The following ETS1 variants were observed in gnomAD, a reference collection of about 807,000 sequenced individuals.
The protein encoded by ETS1 is protein C-ets-1.
A neutral mutation model predicts 58.6 loss-of-function variants in ETS1; 15 were observed. The observed-to-expected ratio is 0.26, with a 90% CI of 0.17 to 0.39. The LOEUF (loss-of-function observed/expected upper bound fraction) is 0.39, where lower values mean the gene tolerates loss of function less well. ETS1 is among the 10% of genes least tolerant of loss of function. The pLI is 1.00. For synonymous variants in ETS1, 214 were observed against 218.2 expected (o/e 0.98, Z 0.17); for missense variants, 417 against 610.5 (o/e 0.68, Z 3.34).
In ETS1 at chr11:128,572,159, G is replaced by A. The variant is rs543192929; in HGVS notation, c.69+903C>T. 3 of 152,044 alleles carry A rather than the reference G, an allele frequency of 2.0e-5. No individual in the cohort carries two copies. The South Asian group carries it at 6.2e-4, about 32-fold the overall frequency. 9.4% of individuals were successfully genotyped at this position (152,044 alleles called of 1,614,324 possible). On this transcript the variant is annotated intron_variant, in intron 2 of 9. Transcript: ENST00000392668. ...GTGGTGGTGCAGGTCTGTAATCCCAGCTACTTGGGAGGCTAAGGCAGGAGA... is the reference window on the plus strand; with the variant it reads ...GTGGTGGTGCAGGTCTGTAATCCCAACTACTTGGGAGGCTAAGGCAGGAGA...
rs1454973249 is a variant in ETS1 at position 128,549,775 on chromosome 11, G to C, written c.214+6516C>G. On this transcript the variant is annotated intron_variant, in intron 3 of 9. Coordinates refer to ENST00000392668, the MANE Select transcript of ETS1 (RefSeq NM_001143820.2). The surrounding 1 kb of genome is among the most constrained non-coding windows in gnomAD (Gnocchi z 4.3). ...CCTCGGGGCTGTTGGGGTCACTCCT[G>C]AGAGCATGGGGTCTCTGGTCTCTAA... Among the ~76,000 whole-genome samples, 1 of 152,212 alleles carries C rather than the reference G, an allele frequency of 6.6e-6. No individual in the cohort carries two copies. Among genetic ancestry groups the C allele is most frequent in the African/African-American group, 2.4e-5 (1 of 41,448 alleles).
At chr11:128,583,442 T>C (rs1864915240) in intron 1 of ETS1, among the ~76,000 whole-genome samples, 1 of 152,188 alleles carries the variant, frequency 6.6e-6, no homozygotes, top group Admixed American at 6.5e-5. Context: ...AAACTGGCAA[T>C]GGTGCTTTCT....
intron 3 of ETS1, among the ~76,000 whole-genome samples, chr11:128,517,808 T>C (rs1863564996): frequency 6.6e-6 from 1 of 152,082 alleles, no homozygotes; most frequent in South Asian, 2.1e-4. Flanking sequence ...CGAGCTGGTT[T>C]GTCTCCTGGA....
intron 6 of ETS1, among the ~76,000 whole-genome samples, chr11:128,485,464 T>G (rs978394969): frequency 6.6e-6 from 1 of 152,066 alleles, no homozygotes; most frequent in Non-Finnish European, 1.5e-5. Context: ...ACGAAAAAAA[T>G]AAAACCTGTT....
intron 8 of ETS1, among the ~76,000 whole-genome samples, chr11:128,472,803 A>G (rs1862221525): frequency 6.6e-6 from 1 of 152,162 alleles, no homozygotes; most frequent in Admixed American, 6.5e-5. Flanking sequence ...CTCCTTCCAG[A>G]CCTGCAGCAT....
At chr11:128,562,236 C>G (rs1161658333) in intron 2 of ETS1, among the ~76,000 whole-genome samples, 5 of 152,132 alleles carry the variant, frequency 3.3e-5, no homozygotes, top group Non-Finnish European at 5.9e-5. Flanking sequence ...AGTTGAAACC[C>G]CGGCTCTATT....
At chr11:128,497,616 T>C (rs1322476209) in intron 3 of ETS1, 2 of 983,910 alleles carry the variant, frequency 2.0e-6, no homozygotes, top group Non-Finnish European at 2.4e-6. Context: ...CATTACATGG[T>C]AGGGAAGCAG....
chr11:128,575,297 T>A lies in ETS1; in HGVS notation c.-14-2153A>T, dbSNP rs773562341. On this transcript the variant is annotated intron_variant, in intron 1 of 9. Transcript: ENST00000392668. ...AACAATATACTGTGATAAAAGTTAT[T>A]GAATGTGGTTTCTCTCTCTCTCTCT... Among the ~76,000 whole-genome samples the A allele has an allele frequency of 3.6e-5, 5 of 139,056 alleles. No individual in the cohort carries two copies. The Admixed American group carries it at 3.7e-4, about 10-fold the overall frequency. The allele number at this position is 139,056 out of a possible 152,430, so 91.2% of individuals were successfully genotyped here.
At chr11:128,522,424 C>T (rs1000325576) in intron 3 of ETS1, 33 of 883,540 alleles carry the variant, frequency 3.7e-5, no homozygotes, top group Non-Finnish European at 3.9e-5. Flanking sequence ...GGGCGATGTC[C>T]GCTTGGGGGA....
chr11:128,501,228 C>T (rs543713290), intron 3 of ETS1, among the ~76,000 whole-genome samples: 8 of 152,294 alleles, frequency 5.3e-5, no homozygotes, highest in African/African-American at 1.9e-4. Flanking sequence ...TCCTGAAGAG[C>T]ATCACAAGCA....
Position 128,556,296 on chromosome 11 carries a change from A to C in ETS1, c.209T>G (p.Val70Gly). Reference sequence around the variant, plus strand: ...GCTTTTGTTTATGTTCCTACCTGAGACACAGTGTTCAAGACCAGTAGGAAC... The same window carrying C: ...GCTTTTGTTTATGTTCCTACCTGAGCCACAGTGTTCAAGACCAGTAGGAAC... ...QEVPTGLEHC[V>G]SDMECADVPL... The change falls in exon 3 of 10, where the codon GTC becomes GGC. Residue 70 changes from valine (V) to glycine (G), a missense_variant. Transcript: ENST00000392668. 1 of 1,609,354 alleles carries C rather than the reference A, an allele frequency of 6.2e-7. No individual in the cohort carries two copies. Among genetic ancestry groups the C allele is most frequent in the Non-Finnish European group, 8.5e-7 (1 of 1,178,244 alleles).
intron 2 of ETS1, among the ~76,000 whole-genome samples, chr11:128,567,064 A>G (rs1025300961): frequency 3.3e-5 from 5 of 152,214 alleles, no homozygotes; most frequent in African/African-American, 1.2e-4. Flanking sequence ...TGTACAAAAG[A>G]GGAATTGCCC....
chr11:128,479,847 G>A (rs1565371968), intron 8 of ETS1, among the ~76,000 whole-genome samples: 1 of 151,794 alleles, frequency 6.6e-6, no homozygotes, highest in African/African-American at 2.4e-5. Flanking sequence ...AGCAGACCAG[G>A]AAAAATCCCC....
At position 128,462,385 on chromosome 11, in the gene ETS1, G is replaced by A. The variant is rs769810344; in HGVS notation, c.1434C>T (p.Asp478=). 4.5e-5 allele frequency: 73 copies of A among 1,613,516 alleles called. No homozygotes were observed. The highest frequency in any genetic ancestry group is 6.7e-5 in the East Asian group (3 of 44,876). The stretch of plus-strand genomic sequence containing the variant: ...ATCACTCGTCGGCATCTGGCTTGAC[G>A]TCCAGCATGGCGTGCAGCTCCTCAG... ...YTPEELHAML[D]VKPDADE is the part of the protein sequence containing the mutation. Residue 478 remains aspartate, a synonymous_variant, in exon 10 of 10, where the codon GAC becomes GAT. Coordinates refer to ENST00000392668, the MANE Select transcript of ETS1 (RefSeq NM_001143820.2).
chr11:128,481,080 T>C (rs1193431940), intron 7 of ETS1, among the ~76,000 whole-genome samples: 1 of 152,202 alleles, frequency 6.6e-6, no homozygotes, highest in Non-Finnish European at 1.5e-5. Context: ...TAGAGTAAGA[T>C]GGTGTAAGAT....
intron 1 of ETS1, among the ~76,000 whole-genome samples, chr11:128,573,535 G>A (rs1196600644): frequency 1.3e-5 from 2 of 152,150 alleles, no homozygotes; most frequent in Non-Finnish European, 2.9e-5. Flanking sequence ...CAGTTGGGGT[G>A]TAAATTAATT....
chr11:128,525,660 C>G (rs1863787842), intron 3 of ETS1, among the ~76,000 whole-genome samples: 1 of 146,604 alleles, frequency 6.8e-6, no homozygotes, highest in Middle Eastern at 3.6e-3. Context: ...TTAACAACAA[C>G]CTGTCTGAGC....
intron 3 of ETS1, among the ~76,000 whole-genome samples, chr11:128,525,297 A>G (rs2135524504): frequency 6.6e-6 from 1 of 152,240 alleles, no homozygotes; most frequent in Non-Finnish European, 1.5e-5. Flanking sequence ...GAATTCCTCA[A>G]GCACATGGAG....
intron 3 of ETS1, among the ~76,000 whole-genome samples, chr11:128,524,199 A>T (rs1053575050): frequency 2.8e-4 from 43 of 152,244 alleles, no homozygotes; most frequent in African/African-American, 1.0e-3. Flanking sequence ...ATACTAAAAA[A>T]GCCCACCATG....
Sources: gnomAD v4.1 joint callset for allele counts (sites outside exome capture counted in the v4.1 genomes callset) on GRCh38, gnomAD v4.1.1 for gene constraint, Gnocchi (gnomAD v3.1) non-coding constraint, MANE v1.5 for transcripts, NCBI Gene and HGNC (gene_info 2026-07-23, HGNC 2026-07-21) for gene names.